The following SIK2 variants were observed in gnomAD, a reference collection of about 807,000 sequenced individuals.
SIK2 encodes the protein serine/threonine-protein kinase SIK2.
Under a neutral mutation model 103.2 loss-of-function variants are expected in SIK2, and 29 were observed. The ratio of observed to expected loss-of-function variants is 0.28; its 90% CI spans 0.21 to 0.38. The LOEUF (loss-of-function observed/expected upper bound fraction) is 0.38. SIK2 is among the 10% of genes least tolerant of loss of function. SIK2 has a pLI of 1.00. For synonymous variants in SIK2, 412 were observed against 446.1 expected, an observed-to-expected ratio of 0.92 and a Z score of 0.96; for missense variants, 879 against 1,171.0, an observed-to-expected ratio of 0.75 and a Z score of 3.64.
chr11:111,646,402 T>C (rs1174747243), intron 3 of SIK2, among the ~76,000 whole-genome samples: 1 of 152,166 alleles, frequency 6.6e-6, no homozygotes, highest in East Asian at 1.9e-4. Context: ...TGAGCTGAGA[T>C]TGCACCATTG....
At position 111,724,431 on chromosome 11, in the gene SIK2, C is replaced by T; in HGVS notation, c.*302C>T. 2.4e-6 allele frequency: 1 copy of T among 410,012 alleles called. No individual in the cohort carries two copies. The highest frequency in any genetic ancestry group is 4.4e-6 in the Non-Finnish European group (1 of 225,162). 25.4% of individuals were successfully genotyped at this position (410,012 alleles called of 1,614,324 possible). A position where few individuals can be genotyped will look rare whatever the true frequency, so the allele number is the denominator to read the frequency against. On this transcript the variant is annotated 3_prime_UTR_variant, in exon 15 of 15. Coordinates refer to ENST00000304987, the MANE Select transcript of SIK2 (RefSeq NM_015191.3). ...ACAAATGTGTTCCTAAGAAGACATT[C>T]AGACCCAGGTGTTATGCAGGATTAC...
chr11:111,668,588 T>C (rs1169352815), intron 3 of SIK2, among the ~76,000 whole-genome samples: 3 of 152,216 alleles, frequency 2.0e-5, no homozygotes, highest in Admixed American at 2.0e-4. Context: ...AAATTAAAGA[T>C]GTCTTCAGTT....
At chr11:111,623,222 T>A (rs1160274532) in intron 3 of SIK2, among the ~76,000 whole-genome samples, 1 of 152,248 alleles carries the variant, frequency 6.6e-6, no homozygotes, top group Non-Finnish European at 1.5e-5. Flanking sequence ...TATTCTTTTC[T>A]ATAAACTTGA....
intron 3 of SIK2, among the ~76,000 whole-genome samples, chr11:111,643,870 CT>C (rs1565327253): frequency 6.6e-6 from 1 of 151,932 alleles, no homozygotes. Flanking sequence ...GTAGCCCCAG[CT>C]ACTCATGAGG....
intron 3 of SIK2, among the ~76,000 whole-genome samples, chr11:111,679,448 A>C (rs1245523620): frequency 6.6e-6 from 1 of 152,250 alleles, no homozygotes; most frequent in Non-Finnish European, 1.5e-5. Context: ...CACAAGCAAC[A>C]ATTTCCTTAA....
At chr11:111,685,783 G>A (rs1189551257) in intron 3 of SIK2, among the ~76,000 whole-genome samples, 1 of 152,188 alleles carries the variant, frequency 6.6e-6, no homozygotes, top group Non-Finnish European at 1.5e-5. Context: ...CCAGGAGGTT[G>A]AGGTTGAGGT....
Position 111,724,311 on chromosome 11 carries a change from AC to A in SIK2, c.*184del. 1.2e-6 allele frequency: 1 copy of A among 860,628 alleles called. No individual in the cohort carries two copies. The highest frequency in any genetic ancestry group is 1.7e-6 in the Non-Finnish European group (1 of 579,056). The allele number at this position is 860,628 out of a possible 1,614,324, so 53.3% of individuals were successfully genotyped here. A position where few individuals can be genotyped will look rare whatever the true frequency, so the allele number is the denominator to read the frequency against. On this transcript the variant is annotated 3_prime_UTR_variant, in exon 15 of 15. Transcript: ENST00000304987. ...TGTTGCTTCCTCCTGGTTCTGCCCC[AC>A]CACAAAGTTTTCTGTGGCAAGTGCT...
chr11:111,708,428 A>C (rs982168122), intron 8 of SIK2, among the ~76,000 whole-genome samples: 4 of 152,294 alleles, frequency 2.6e-5, no homozygotes, highest in Middle Eastern at 6.8e-3. Context: ...CATTATTATT[A>C]TTTAGACAAC....
chr11:111,653,726 G>A (rs1042293152), intron 3 of SIK2, among the ~76,000 whole-genome samples: 13 of 152,182 alleles, frequency 8.5e-5, no homozygotes, highest in Admixed American at 3.3e-4. Context: ...GAATCTTATC[G>A]GAAGTAGATT....
At chr11:111,640,844 T>C (rs561048515) in intron 3 of SIK2, among the ~76,000 whole-genome samples, 21 of 150,720 alleles carry the variant, frequency 1.4e-4, no homozygotes, top group African/African-American at 4.4e-4. Flanking sequence ...ACGCCATTCT[T>C]CTGCCTCAGC....
At chr11:111,637,409 T>C (rs1222228737) in intron 3 of SIK2, among the ~76,000 whole-genome samples, 2 of 151,842 alleles carry the variant, frequency 1.3e-5, no homozygotes, top group Non-Finnish European at 2.9e-5. Context: ...TAGGTAAACG[T>C]GTGCCATGGA....
intron 3 of SIK2, among the ~76,000 whole-genome samples, chr11:111,651,344 T>G (rs1942323546): frequency 6.6e-6 from 1 of 152,180 alleles, no homozygotes; most frequent in Non-Finnish European, 1.5e-5. Context: ...ATGGAATACT[T>G]TGCAGCCATA....
At chr11:111,628,256 T>G (rs1174260830) in intron 3 of SIK2, among the ~76,000 whole-genome samples, 3 of 152,194 alleles carry the variant, frequency 2.0e-5, no homozygotes, top group Non-Finnish European at 2.9e-5. Context: ...TCTCTTGGGC[T>G]TATCTATCTT....
Position 111,727,192 on chromosome 11 carries a change from C to A in SIK2, c.*3063C>A, listed in dbSNP as rs1944000533. ...CTTCTGTCACCGTGGGAAAAGGAGG[C>A]TGATGGTTCTCTACACCATCCACCT... On this transcript the variant is annotated 3_prime_UTR_variant, in exon 15 of 15. Transcript: ENST00000304987. 3 of 721,718 alleles carry A rather than the reference C, an allele frequency of 4.2e-6. No individual in the cohort carries two copies. In the South Asian group the frequency reaches 5.0e-5, roughly 12 times the overall value. 44.7% of individuals were successfully genotyped at this position (721,718 alleles called of 1,614,324 possible).
intron 9 of SIK2, among the ~76,000 whole-genome samples, chr11:111,716,043 C>G (rs1169037380): frequency 6.6e-6 from 1 of 152,080 alleles, no homozygotes; most frequent in African/African-American, 2.4e-5. Context: ...CTCAGGTGAT[C>G]TGCCCGCCTT....
intron 1 of SIK2, among the ~76,000 whole-genome samples, chr11:111,603,347 C>G (rs1591583041): frequency 2.0e-5 from 3 of 152,076 alleles, no homozygotes; most frequent in African/African-American, 7.2e-5. Flanking sequence ...CATTTAATGC[C>G]CCAGACAATA....
At chr11:111,683,904 TACTTCTATTACTG>T (rs1942810148) in intron 3 of SIK2, among the ~76,000 whole-genome samples, 1 of 152,246 alleles carries the variant, frequency 6.6e-6, no homozygotes, top group Non-Finnish European at 1.5e-5. Flanking sequence ...CTGGCTCACT[TACTTCTATTACTG>T]ATTTCTCAGC....
At chr11:111,628,871 G>A (rs1220699911) in intron 3 of SIK2, among the ~76,000 whole-genome samples, 2 of 151,904 alleles carry the variant, frequency 1.3e-5, no homozygotes, top group Non-Finnish European at 1.5e-5. Context: ...CTATATGTAA[G>A]AGGCATATTT....
rs1943902339 is a variant in SIK2, at chr11:111,724,349, G to T, written c.*220G>T. On this transcript the variant is annotated 3_prime_UTR_variant, in exon 15 of 15. Transcript: ENST00000304987. ...CTGTGGCAAGTGCTGGAACATAGTT[G>T]TAGGCTGAGGCTCCTGCCCTTCGGT... 1 of 613,862 alleles carries T rather than the reference G, an allele frequency of 1.6e-6. No homozygotes were observed. The highest frequency in any genetic ancestry group is 2.8e-6 in the Non-Finnish European group (1 of 362,338). 38.0% of individuals were successfully genotyped at this position (613,862 alleles called of 1,614,324 possible). A position where few individuals can be genotyped will look rare whatever the true frequency, so the allele number is the denominator to read the frequency against.
Sources: gnomAD v4.1 joint callset for allele counts (sites outside exome capture counted in the v4.1 genomes callset) on GRCh38, gnomAD v4.1.1 for gene constraint, MANE v1.5 for transcripts, NCBI Gene and HGNC (gene_info 2026-07-23, HGNC 2026-07-21) for gene names.